The following UGT1A8 variants were observed in gnomAD, a reference collection of about 807,000 sequenced individuals.
UGT1A8 encodes the protein UDP glucuronosyltransferase family 1 member A8, also known as UDP-glucuronosyltransferase 1A8.
Under a neutral mutation model 45.3 loss-of-function variants are expected in UGT1A8, and 39 were observed. The observed-to-expected ratio is 0.86, with a 90% CI of 0.67 to 1.12. The LOEUF (loss-of-function observed/expected upper bound fraction) is 1.12, where lower values mean the gene tolerates loss of function less well. UGT1A8 is among the 50% of genes most tolerant of loss of function. UGT1A8 has a pLI of 0.00. For synonymous variants in UGT1A8, 275 were observed against 249.2 expected, an observed-to-expected ratio of 1.10 and a Z score of -0.97; for missense variants, 719 against 664.9, an observed-to-expected ratio of 1.08 and a Z score of -0.90.
At chr2:233,696,906 G>A (rs1231812391) in intron 1 of UGT1A8, among the ~76,000 whole-genome samples, 2 of 152,082 alleles carry the variant, frequency 1.3e-5, no homozygotes, top group African/African-American at 2.4e-5. Flanking sequence ...TTCTGTCAAT[G>A]TATTCATATC....
chr2:233,700,548 G>A (rs535853869), intron 1 of UGT1A8, among the ~76,000 whole-genome samples: 36 of 151,944 alleles, frequency 2.4e-4, no homozygotes, highest in African/African-American at 7.5e-4. Flanking sequence ...TGAGAATAAG[G>A]GGTTATAAAA....
chr2:233,682,061 C>A, intron 1 of UGT1A8: 2 of 1,614,098 alleles, frequency 1.2e-6, no homozygotes, highest in South Asian at 1.1e-5. Context: ...GTTCACCATG[C>A]AGTCGGTGGT....
At chr2:233,728,855 A>C (rs900192312) in intron 1 of UGT1A8, among the ~76,000 whole-genome samples, 5 of 152,210 alleles carry the variant, frequency 3.3e-5, no homozygotes, top group African/African-American at 1.2e-4. Flanking sequence ...ATTGGATGAG[A>C]AACAAGAGCT....
intron 1 of UGT1A8, among the ~76,000 whole-genome samples, chr2:233,678,765 T>C (rs2074428580): frequency 1.3e-5 from 2 of 152,178 alleles, no homozygotes; most frequent in South Asian, 4.2e-4. Flanking sequence ...TATCAGGTCA[T>C]CTATTGATTC....
chr2:233,644,570 GAATA>G lies in UGT1A8; in HGVS notation c.855+26031_855+26034del, dbSNP rs142251670. ...AGTGAGACTCCATCTCAAAAAATAA[GAATA>G]AATAAATAAATAAATAAATAAACGC... On this transcript the variant is annotated intron_variant, in intron 1 of 4. Coordinates refer to ENST00000373450, the MANE Select transcript of UGT1A8 (RefSeq NM_019076.5). Among the ~76,000 whole-genome samples the G allele has an allele frequency of 1.9e-3, 290 of 151,284 alleles. 1 individual carries two copies. Among genetic ancestry groups the G allele is most frequent in the African/African-American group, 6.2e-3 (254 of 41,162 alleles).
At chr2:233,635,150 TG>T (rs1259134376) in intron 1 of UGT1A8, among the ~76,000 whole-genome samples, 1 of 150,938 alleles carries the variant, frequency 6.6e-6, no homozygotes, top group Non-Finnish European at 1.5e-5. Context: ...TCTGGTTTGT[TG>T]GGTCTCTAAA....
intron 1 of UGT1A8, among the ~76,000 whole-genome samples, chr2:233,757,216 G>A (rs1430883014): frequency 6.9e-6 from 1 of 145,650 alleles, no homozygotes; most frequent in Non-Finnish European, 1.5e-5. Context: ...GGAAGCTGCT[G>A]ACCAAGGTTC....
intron 1 of UGT1A8, chr2:233,682,401 T>G (rs760961250): frequency 6.2e-7 from 1 of 1,614,010 alleles, no homozygotes; most frequent in East Asian, 2.2e-5. Flanking sequence ...GCCTGTGGCT[T>G]AATTGTTGCC....
intron 1 of UGT1A8, among the ~76,000 whole-genome samples, chr2:233,726,981 T>C (rs2077575489): frequency 6.6e-6 from 1 of 152,240 alleles, no homozygotes; most frequent in African/African-American, 2.4e-5. Context: ...TAGATTTTGA[T>C]GAGGTTCTTT....
intron 4 of UGT1A8, among the ~76,000 whole-genome samples, chr2:233,768,745 G>A (rs1699716714): frequency 1.3e-5 from 2 of 151,730 alleles, no homozygotes; most frequent in Admixed American, 1.3e-4. Context: ...ACCACGCCCG[G>A]TTAATTTTTG....
At chr2:233,723,218 T>A (rs573450645) in intron 1 of UGT1A8, among the ~76,000 whole-genome samples, 28 of 123,768 alleles carry the variant, frequency 2.3e-4, no homozygotes, top group Admixed American at 2.1e-3. Context: ...ACTGACTTTT[T>A]TTTTTTTTTT....
At position 233,648,213 on chromosome 2, in the gene UGT1A8, G is replaced by A. The variant is rs760476386; in HGVS notation, c.855+29651G>A. The stretch of plus-strand genomic sequence containing the variant: ...TTAATTTTTCACATTGCAGGAGTTT[G>A]TTTAATGACTGAAAATTAGTAGAAT... On this transcript the variant is annotated intron_variant, in intron 1 of 4. Transcript: ENST00000373450. 7.3e-4 allele frequency: 487 copies of A among 669,672 alleles called. 1 individual carries two copies. The highest frequency in any genetic ancestry group is 1.9e-3 in the Admixed American group (74 of 39,382). 41.5% of individuals were successfully genotyped at this position (669,672 alleles called of 1,614,324 possible). A position where few individuals can be genotyped will look rare whatever the true frequency, so the allele number is the denominator to read the frequency against.
At chr2:233,667,807 A>C (rs535315154) in intron 1 of UGT1A8, among the ~76,000 whole-genome samples, 2 of 152,374 alleles carry the variant, frequency 1.3e-5, no homozygotes, top group Admixed American at 6.5e-5. Flanking sequence ...GCCATCTGAG[A>C]AATGCAAATC....
intron 1 of UGT1A8, chr2:233,753,507 T>C (rs1224200791): frequency 6.6e-6 from 1 of 152,242 alleles, no homozygotes; most frequent in African/African-American, 2.4e-5. Context: ...TCAGCCTGTC[T>C]AGTTGTTGCC....
intron 1 of UGT1A8, among the ~76,000 whole-genome samples, chr2:233,696,871 T>C (rs1200790521): frequency 6.6e-6 from 1 of 152,242 alleles, no homozygotes; most frequent in Non-Finnish European, 1.5e-5. Context: ...TTTCAGCATC[T>C]ACAACATATG....
In UGT1A8 at chr2:233,745,292, C is replaced by T. The variant is rs13426130; in HGVS notation, c.856-21742C>T. On this transcript the variant is annotated intron_variant, in intron 1 of 4. Transcript: ENST00000373450. ...CCGTGTGTATAGCACTGGGGATAAA[C>T]GTGGGATGCAGTGATTATTTCCACT... 9.4e-3 allele frequency among the ~76,000 whole-genome samples: 1,433 copies of T among 151,880 alleles called. 51 individuals carry two copies. The highest frequency in any genetic ancestry group is 0.033 in the African/African-American group (1,366 of 41,200).
chr2:233,712,394 A>G (rs2013030), intron 1 of UGT1A8, among the ~76,000 whole-genome samples: 13,551 of 152,236 alleles, frequency 0.089, 758 homozygotes, highest in East Asian at 0.2. Flanking sequence ...GCCACTTCAG[A>G]GAGAGTCCTC....
At chr2:233,646,669 T>C (rs181446767) in intron 1 of UGT1A8, among the ~76,000 whole-genome samples, 6 of 152,310 alleles carry the variant, frequency 3.9e-5, no homozygotes, top group Admixed American at 2.6e-4. Flanking sequence ...CCCAACGAGT[T>C]CCTCATCTCC....
At chr2:233,618,910 A>G (rs2072950434) in intron 1 of UGT1A8, among the ~76,000 whole-genome samples, 1 of 152,162 alleles carries the variant, frequency 6.6e-6, no homozygotes, top group Admixed American at 6.5e-5. Flanking sequence ...AGTTTTGCAT[A>G]CATTCTTTTC....
Sources: gnomAD v4.1 joint callset for allele counts (sites outside exome capture counted in the v4.1 genomes callset) on GRCh38, gnomAD v4.1.1 for gene constraint, MANE v1.5 for transcripts, NCBI Gene and HGNC (gene_info 2026-07-23, HGNC 2026-07-21) for gene names.